The following SCFD2 variants were observed in gnomAD, a reference collection of about 807,000 sequenced individuals.
SCFD2 encodes the protein sec1 family domain containing 2.
Under a neutral mutation model 58.9 loss-of-function variants are expected in SCFD2, and 54 were observed. The observed-to-expected ratio is 0.92, with a 90% CI of 0.74 to 1.15. The LOEUF (loss-of-function observed/expected upper bound fraction) is 1.15. SCFD2 is among the 50% of genes most tolerant of loss of function. SCFD2 has a pLI of 0.00. For missense variants in SCFD2, 805 were observed against 836.6 expected (o/e 0.96, Z 0.47); for synonymous variants, 321 against 335.9 (o/e 0.96, Z 0.49).
At chr4:52,993,033 A>T (rs1254227095) in intron 5 of SCFD2, among the ~76,000 whole-genome samples, 6 of 151,878 alleles carry the variant, frequency 4.0e-5, no homozygotes, top group Non-Finnish European at 8.8e-5. Context: ...AGGAGACTCC[A>T]TTTTGTTCTG....
chr4:53,254,771 A>G (rs878887187), intron 4 of SCFD2, among the ~76,000 whole-genome samples: 3 of 151,612 alleles, frequency 2.0e-5, no homozygotes, highest in Non-Finnish European at 2.9e-5. Context: ...GGCTGGTGCC[A>G]TCAGGGAAGC....
intron 7 of SCFD2, among the ~76,000 whole-genome samples, chr4:52,896,877 G>A (rs958228197): frequency 1.2e-3 from 190 of 152,194 alleles, no homozygotes; most frequent in African/African-American, 4.3e-3. Context: ...GGTCCTAAAC[G>A]TCCCTTGTAA....
At chr4:53,344,193 G>A (rs10005943) in intron 2 of SCFD2, among the ~76,000 whole-genome samples, 10,317 of 151,764 alleles carry the variant, frequency 0.068, 801 homozygotes, top group African/African-American at 0.17. Context: ...TGTATATTTA[G>A]AAAACCCCAT....
chr4:52,940,505 A>G (rs547637189), intron 5 of SCFD2, among the ~76,000 whole-genome samples: 2 of 152,352 alleles, frequency 1.3e-5, no homozygotes, highest in African/African-American at 4.8e-5. Context: ...CAGTTTGACA[A>G]TCTAACTATA....
chr4:53,018,128 G>A (rs1229330730), intron 5 of SCFD2, among the ~76,000 whole-genome samples: 1 of 152,136 alleles, frequency 6.6e-6, no homozygotes, highest in Non-Finnish European at 1.5e-5. Flanking sequence ...TTAGAGCTTT[G>A]TTGGTTTTAT....
intron 4 of SCFD2, among the ~76,000 whole-genome samples, chr4:53,254,043 G>A (rs1182294104): frequency 3.9e-5 from 6 of 152,106 alleles, no homozygotes; most frequent in Admixed American, 3.9e-4. Flanking sequence ...GCTAAGTGAT[G>A]AGAACACATG....
chr4:53,092,855 C>A (rs1280772436), intron 5 of SCFD2, among the ~76,000 whole-genome samples: 1 of 151,664 alleles, frequency 6.6e-6, no homozygotes, highest in Non-Finnish European at 1.5e-5. Flanking sequence ...GTAATGTTAT[C>A]AAAAAAATAA....
chr4:53,256,055 C>G (rs1440844114), intron 4 of SCFD2, among the ~76,000 whole-genome samples: 3 of 148,484 alleles, frequency 2.0e-5, no homozygotes, highest in African/African-American at 7.5e-5. Flanking sequence ...GGCGGCTGGC[C>G]TGGTGGGGGC....
At chr4:52,898,427 C>G (rs1469565026) in intron 7 of SCFD2, among the ~76,000 whole-genome samples, 2 of 152,108 alleles carry the variant, frequency 1.3e-5, no homozygotes, top group Non-Finnish European at 2.9e-5. Context: ...AGTTATTCAC[C>G]AGCAGGTTGT....
chr4:53,148,996 T>C, intron 4 of SCFD2, among the ~76,000 whole-genome samples: 1 of 152,382 alleles, frequency 6.6e-6, no homozygotes, highest in East Asian at 1.9e-4. Flanking sequence ...ACCCTGTCTC[T>C]AAAAAAATTT....
chr4:53,188,418 GGTGTGTGTGTGT>G (rs56120914), intron 4 of SCFD2, among the ~76,000 whole-genome samples: 2,992 of 143,552 alleles, frequency 0.021, 91 homozygotes, highest in African/African-American at 0.066. Flanking sequence ...CTTCAAAACT[GGTGTGTGTGTGT>G]GTGTGTGTGT....
In SCFD2 at chr4:53,217,254, T is replaced by C. The variant is rs199901517; in HGVS notation, c.1311+56572A>G. Among the ~76,000 whole-genome samples the C allele has an allele frequency of 4.3e-4, 65 of 152,264 alleles. No individual in the cohort carries two copies. The East Asian group carries it at 9.3e-3, about 22-fold the overall frequency. On this transcript the variant is annotated intron_variant, in intron 4 of 8. Coordinates refer to ENST00000401642, the MANE Select transcript of SCFD2 (RefSeq NM_152540.4). The stretch of plus-strand genomic sequence containing the variant: ...TAATGTTGACAGTGGGGTGTTAAAG[T>C]CTCCCATTATTATTGTGTGGGAGTC...
intron 4 of SCFD2, among the ~76,000 whole-genome samples, chr4:53,156,584 G>C (rs1325090867): frequency 6.6e-6 from 1 of 152,128 alleles, no homozygotes; most frequent in African/African-American, 2.4e-5. Flanking sequence ...TGTAGTCCCA[G>C]CTACTTGGGA....
At chr4:53,244,809 G>C (rs1450609900) in intron 4 of SCFD2, among the ~76,000 whole-genome samples, 1 of 133,504 alleles carries the variant, frequency 7.5e-6, no homozygotes, top group Non-Finnish European at 1.6e-5. Flanking sequence ...CCCAAGCCTT[G>C]GGGTATTTCT....
At chr4:52,950,105 A>T (rs866537311) in intron 5 of SCFD2, 1 of 152,254 alleles carries the variant, frequency 6.6e-6, no homozygotes, top group Non-Finnish European at 1.5e-5. Flanking sequence ...ACAAAAGAAG[A>T]CTGCCCAGAG....
intron 2 of SCFD2, among the ~76,000 whole-genome samples, chr4:53,321,370 A>G (rs1733017007): frequency 6.6e-6 from 1 of 152,072 alleles, no homozygotes; most frequent in African/African-American, 2.4e-5. Context: ...AAAATTTTTA[A>G]AAGGTGGCTG....
chr4:53,068,960 G>A (rs1400643683), intron 5 of SCFD2, among the ~76,000 whole-genome samples: 1 of 151,998 alleles, frequency 6.6e-6, no homozygotes, highest in Non-Finnish European at 1.5e-5. Context: ...CCTACCTTAA[G>A]TAATATTACA....
At chr4:53,318,391 A>T (rs1339207125) in intron 2 of SCFD2, among the ~76,000 whole-genome samples, 2 of 152,162 alleles carry the variant, frequency 1.3e-5, no homozygotes, top group Non-Finnish European at 2.9e-5. Context: ...TGACTTATTA[A>T]ATGGTTGTAC....
At chr4:53,225,563 C>G (rs1485190116) in intron 4 of SCFD2, among the ~76,000 whole-genome samples, 1 of 151,974 alleles carries the variant, frequency 6.6e-6, no homozygotes, top group East Asian at 1.9e-4. Context: ...TTGATAACAC[C>G]CTATATAAAA....
Sources: allele counts gnomAD v4.1 joint callset (sites outside exome capture counted in the v4.1 genomes callset), GRCh38; gene constraint gnomAD v4.1.1; transcripts MANE v1.5; gene names NCBI Gene and HGNC (gene_info 2026-07-23, HGNC 2026-07-21).